MYF6: variants seen among roughly 807,000 people sequenced by gnomAD.
MYF6 encodes myogenic factor 6, also known as class C basic helix-loop-helix protein 4.
MYF6 carries 20 observed loss-of-function variants against 21.7 expected under a neutral mutation model. The ratio of observed to expected loss-of-function variants is 0.92; its 90% CI spans 0.65 to 1.34. MYF6 has a LOEUF of 1.34. MYF6 is among the 40% of genes most tolerant of loss of function. MYF6 has a pLI of 0.00. For missense variants in MYF6, 320 were observed against 304.1 expected, an observed-to-expected ratio of 1.05 and a Z score of -0.39; for synonymous variants, 124 against 124.7, an observed-to-expected ratio of 0.99 and a Z score of 0.04.
In MYF6 at chr12:80,707,769, G is replaced by C; in HGVS notation, c.50G>C (p.Gly17Ala). ...GGCTCCTATTTCTTCTACTTGGATG[G>C]GGAAAATGTTACTCTGCAGCCATTA... ...ETGSYFFYLD[G>A]ENVTLQPLEV... The change falls in exon 1 of 3, where the codon GGG becomes GCG. Residue 17 changes from glycine (G) to alanine (A), a missense_variant. Physicochemically the swap from Gly to Ala is moderately conservative, Grantham distance 60. Coordinates refer to ENST00000228641, the MANE Select transcript of MYF6 (RefSeq NM_002469.3). 1 of 1,614,134 alleles carries C rather than the reference G, an allele frequency of 6.2e-7. No individual in the cohort carries two copies. The highest frequency in any genetic ancestry group is 8.5e-7 in the Non-Finnish European group (1 of 1,180,028).
chr12:80,708,864 A>G lies in MYF6; in HGVS notation c.633A>G (p.Ser211=). The G allele has an allele frequency of 6.2e-7, 1 of 1,614,202 alleles. No individual in the cohort carries two copies. Among genetic ancestry groups the G allele is most frequent in the Admixed American group, 1.7e-5 (1 of 60,034 alleles). The change falls in exon 3 of 3, where the codon TCA becomes TCG. Residue 211 remains serine, a synonymous_variant. Coordinates refer to ENST00000228641, the MANE Select transcript of MYF6 (RefSeq NM_002469.3). ...CAGGAGGAGCAAGTATTGATTCGTCAGCCTCGAGTAGCCTTCGATGCCTTT... is the reference window on the plus strand; with the variant it reads ...CAGGAGGAGCAAGTATTGATTCGTCGGCCTCGAGTAGCCTTCGATGCCTTT... ...AKEGGASIDS[S]ASSSLRCLSS... is the part of the protein sequence containing the mutation.
intron 1 of MYF6, 123 bp downstream of exon 1, chr12:80,708,361 C>G (rs779104847): frequency 2.1e-6 from 3 of 1,439,368 alleles, no homozygotes; most frequent in Non-Finnish European, 1.9e-6. Flanking sequence ...CCCTCCCGCT[C>G]CGTCTCTAAT....
chr12:80,709,256 T>C lies in MYF6; in HGVS notation c.*296T>C. 3.1e-6 allele frequency: 1 copy of C among 327,802 alleles called. No homozygotes were observed. Among genetic ancestry groups the C allele is most frequent in the Non-Finnish European group, 5.7e-6 (1 of 175,064 alleles). The allele number at this position is 327,802 out of a possible 1,614,324, so 20.3% of individuals were successfully genotyped here. The stretch of plus-strand genomic sequence containing the variant: ...GTTGGTTTTATACTATATTAACTTT[T>C]ATTACGGTGATCCTTTTGTGCCATG... On this transcript the variant is annotated 3_prime_UTR_variant, in exon 3 of 3. Coordinates refer to ENST00000228641, the MANE Select transcript of MYF6 (RefSeq NM_002469.3).
At position 80,707,878 on chromosome 12, in the gene MYF6, G is replaced by T; in HGVS notation, c.159G>T (p.Gly53=). 7 of 1,614,206 alleles carry T rather than the reference G, an allele frequency of 4.3e-6. No individual in the cohort carries two copies. Among genetic ancestry groups the T allele is most frequent in the Non-Finnish European group, 5.1e-6 (6 of 1,180,042 alleles). Residue 53 remains glycine, a synonymous_variant, in exon 1 of 3, where the codon GGG becomes GGT. Coordinates refer to ENST00000228641, the MANE Select transcript of MYF6 (RefSeq NM_002469.3). Reference sequence around the variant, plus strand: ...AGGACCAAATGCCCCCGGAAGCGGGGAGCGACAGCAGCGGAGAGGAACATG... The same window carrying T: ...AGGACCAAATGCCCCCGGAAGCGGGTAGCGACAGCAGCGGAGAGGAACATG... ...PCQDQMPPEA[G]SDSSGEEHVL...
Position 80,708,995 on chromosome 12 carries a change from G to GA in MYF6, c.*35_*36insA. 1 of 1,514,164 alleles carries GA rather than the reference G, an allele frequency of 6.6e-7. No individual in the cohort carries two copies. Among genetic ancestry groups the GA allele is most frequent in the Non-Finnish European group, 9.2e-7 (1 of 1,089,234 alleles). 93.8% of individuals were successfully genotyped at this position (1,514,164 alleles called of 1,614,324 possible). A position where few individuals can be genotyped will look rare whatever the true frequency, so the allele number is the denominator to read the frequency against. ...CGCTTGAGACCTTCTCCACGCAGCA[G>GA]GAAGATCCCACCGACCCTTCCTGGC... On this transcript the variant is annotated 3_prime_UTR_variant, in exon 3 of 3. Transcript: ENST00000228641.
chr12:80,708,748 C>G (rs1261405814), intron 2 of MYF6, 94 bp from the exon 3 acceptor site: 2 of 1,525,146 alleles, frequency 1.3e-6, no homozygotes, highest in Non-Finnish European at 1.8e-6. Flanking sequence ...GGGACCAGGC[C>G]TTTCCTCGCT....
chr12:80,708,877 C>G lies in MYF6; in HGVS notation c.646C>G (p.Leu216Val). Reference sequence around the variant, plus strand: ...TATTGATTCGTCAGCCTCGAGTAGCCTTCGATGCCTTTCTTCCATCGTGGA... The same window carrying G: ...TATTGATTCGTCAGCCTCGAGTAGCGTTCGATGCCTTTCTTCCATCGTGGA... ...ASIDSSASSS[L>V]RCLSSIVDSI... Residue 216 changes from leucine (L) to valine (V), a missense_variant, in exon 3 of 3, where the codon CTT becomes GTT. By Grantham distance (32) the Leu-to-Val change is conservative. Transcript: ENST00000228641. 6.2e-7 allele frequency: 1 copy of G among 1,614,244 alleles called. No homozygotes were observed.
chr12:80,708,548 A>G lies in MYF6; in HGVS notation c.544A>G (p.Thr182Ala). 1 of 1,576,370 alleles carries G rather than the reference A, an allele frequency of 6.3e-7. No homozygotes were observed. Residue 182 changes from threonine to alanine, a missense_variant, in exon 2 of 3, where the codon ACC becomes GCC. By Grantham distance (58) the Thr-to-Ala change is moderately conservative. Coordinates refer to ENST00000228641, the MANE Select transcript of MYF6 (RefSeq NM_002469.3). ...GCTTGAGGGTGCGGATTTCCTGCGC[A>G]CCTGCAGCTCCCAGTGGCCAAGTGT... is the stretch of plus-strand genomic sequence containing the variant. ...ENLEGADFLR[T>A]CSSQWPSVSD...
chr12:80,708,378 C>A (rs1868406160), intron 1 of MYF6, 140 bp downstream of exon 1: 3 of 1,411,752 alleles, frequency 2.1e-6, no homozygotes. Flanking sequence ...TAATGAACCC[C>A]CAGTGACCCA....
chr12:80,708,812 G>A (rs1868421026), intron 2 of MYF6, 30 bp from the exon 3 acceptor site: 1 of 1,596,280 alleles, frequency 6.3e-7, no homozygotes, highest in African/African-American at 1.3e-5. Context: ...TTCTTTGGGT[G>A]CTATGTTTGT....
In MYF6 at chr12:80,709,006, C is replaced by T; in HGVS notation, c.*46C>T. ...TTCTCCACGCAGCAGGAAGATCCCA[C>T]CGACCCTTCCTGGCCTAATCCTTTA... On this transcript the variant is annotated 3_prime_UTR_variant, in exon 3 of 3. Transcript: ENST00000228641. 7.0e-7 allele frequency: 1 copy of T among 1,423,988 alleles called. No individual in the cohort carries two copies. The highest frequency in any genetic ancestry group is 1.1e-5 in the South Asian group (1 of 87,026). 88.2% of individuals were successfully genotyped at this position (1,423,988 alleles called of 1,614,324 possible). A position where few individuals can be genotyped will look rare whatever the true frequency, so the allele number is the denominator to read the frequency against.
Position 80,709,033 on chromosome 12 carries a change from A to G in MYF6, c.*73A>G, listed in dbSNP as rs141373187. The G allele has an allele frequency of 2.1e-3, 2,357 of 1,141,226 alleles. 52 individuals carry two copies. In the East Asian group the frequency reaches 0.045, roughly 22 times the overall value. 70.7% of individuals were successfully genotyped at this position (1,141,226 alleles called of 1,614,324 possible). On this transcript the variant is annotated 3_prime_UTR_variant, in exon 3 of 3. Coordinates refer to ENST00000228641, the MANE Select transcript of MYF6 (RefSeq NM_002469.3). ...GACCCTTCCTGGCCTAATCCTTTAG[A>G]TTAGGTCACATTACATTAACATTTA...
chr12:80,707,947 G>T lies in MYF6; in HGVS notation c.228G>T (p.Gln76His), dbSNP rs1292330344. 6.2e-7 allele frequency: 1 copy of T among 1,614,176 alleles called. No individual in the cohort carries two copies. Among genetic ancestry groups the T allele is most frequent in the Non-Finnish European group, 8.5e-7 (1 of 1,180,036 alleles). The part of the protein sequence containing the change: ...PGLQPPHCPG[Q>H]CLIWACKTCK... Reference sequence around the variant, plus strand: ...TGCAGCCTCCACACTGCCCCGGCCAGTGTCTGATCTGGGCTTGCAAGACCT... The same window carrying T: ...TGCAGCCTCCACACTGCCCCGGCCATTGTCTGATCTGGGCTTGCAAGACCT... The change falls in exon 1 of 3, where the codon CAG (glutamine) becomes CAT (histidine). Residue 76 changes from glutamine to histidine, a missense_variant. Transcript: ENST00000228641.
rs773377751 is a variant in MYF6 at position 80,707,746 on chromosome 12, C to T, written c.27C>T (p.Gly9=). The T allele has an allele frequency of 3.7e-6, 6 of 1,614,132 alleles. No homozygotes were observed. Among genetic ancestry groups the T allele is most frequent in the Non-Finnish European group, 5.1e-6 (6 of 1,180,032 alleles). MMMDLFET[G]SYFFYLDGEN... is the part of the protein sequence containing the mutation. ...TGATGATGGACCTTTTTGAAACTGG[C>T]TCCTATTTCTTCTACTTGGATGGGG... Residue 9 remains glycine (G), a synonymous_variant, in exon 1 of 3, where the codon GGC becomes GGT. Coordinates refer to ENST00000228641, the MANE Select transcript of MYF6 (RefSeq NM_002469.3).
Position 80,707,750 on chromosome 12 carries a change from T to G in MYF6, c.31T>G (p.Tyr11Asp). 1.2e-6 allele frequency: 2 copies of G among 1,614,220 alleles called. No homozygotes were observed. The highest frequency in any genetic ancestry group is 2.2e-5 in the South Asian group (2 of 91,086). Reference sequence around the variant, plus strand: ...GATGGACCTTTTTGAAACTGGCTCCTATTTCTTCTACTTGGATGGGGAAAA... The same window carrying G: ...GATGGACCTTTTTGAAACTGGCTCCGATTTCTTCTACTTGGATGGGGAAAA... MMMDLFETGS[Y>D]FFYLDGENVT... Residue 11 changes from tyrosine (Y) to aspartate (D), a missense_variant, in exon 1 of 3, where the codon TAT becomes GAT. Transcript: ENST00000228641.
chr12:80,707,649 T>A lies in MYF6; in HGVS notation c.-71T>A. 1 of 1,570,382 alleles carries A rather than the reference T, an allele frequency of 6.4e-7. No homozygotes were observed. Among genetic ancestry groups the A allele is most frequent in the Non-Finnish European group, 8.8e-7 (1 of 1,141,266 alleles). Reference sequence around the variant, plus strand: ...ATGTCACTGCACTAATTAAATGCCATCTGGGTGGTTCCTCTGGGTTTTTGA... The same window carrying A: ...ATGTCACTGCACTAATTAAATGCCAACTGGGTGGTTCCTCTGGGTTTTTGA... On this transcript the variant is annotated 5_prime_UTR_variant, in exon 1 of 3. Transcript: ENST00000228641.
In MYF6 at chr12:80,708,580, T is replaced by C. The variant is rs1434047456; in HGVS notation, c.576T>C (p.Asp192=). The C allele has an allele frequency of 5.0e-6, 8 of 1,614,004 alleles. No individual in the cohort carries two copies. The highest frequency in any genetic ancestry group is 6.8e-6 in the Non-Finnish European group (8 of 1,180,024). Residue 192 remains aspartate, a synonymous_variant, in exon 2 of 3, where the codon GAT becomes GAC. Coordinates refer to ENST00000228641, the MANE Select transcript of MYF6 (RefSeq NM_002469.3). ...TCSSQWPSVS[D]HSRGLVITAK... ...GCTCCCAGTGGCCAAGTGTTTCCGA[T>C]CATTCCAGGGGGCTCGTGATAACGG...
Position 80,708,253 on chromosome 12 carries a change from T to C in MYF6, c.519+15T>C. On this transcript the variant is annotated intron_variant, in intron 1 of 2. Coordinates refer to ENST00000228641, the MANE Select transcript of MYF6 (RefSeq NM_002469.3). The stretch of plus-strand genomic sequence containing the variant: ...AACAAGAAAATGTAAGCCTAGATGC[T>C]GCCGGGGCAGGGAAATGCGAAGGCT... 1 of 1,604,918 alleles carries C rather than the reference T, an allele frequency of 6.2e-7. No homozygotes were observed. Among genetic ancestry groups the C allele is most frequent in the Non-Finnish European group, 8.5e-7 (1 of 1,178,086 alleles).
Position 80,707,920 on chromosome 12 carries a change from C to A in MYF6, c.201C>A (p.Gly67=), listed in dbSNP as rs762595246. Residue 67 remains glycine (G), a synonymous_variant, in exon 1 of 3, where the codon GGC becomes GGA. Transcript: ENST00000228641. ...SGEEHVLAPP[G]LQPPHCPGQC... is the part of the protein sequence containing the mutation. Reference sequence around the variant, plus strand: ...AGGAACATGTCCTGGCGCCCCCGGGCCTGCAGCCTCCACACTGCCCCGGCC... The same window carrying A: ...AGGAACATGTCCTGGCGCCCCCGGGACTGCAGCCTCCACACTGCCCCGGCC... 5.6e-6 allele frequency: 9 copies of A among 1,614,050 alleles called. No individual in the cohort carries two copies. The highest frequency in any genetic ancestry group is 6.8e-6 in the Non-Finnish European group (8 of 1,180,028).
Sources: gnomAD v4.1 joint callset for allele counts on GRCh38, gnomAD v4.1.1 for gene constraint, MANE v1.5 for transcripts, NCBI Gene and HGNC (gene_info 2026-07-23, HGNC 2026-07-21) for gene names.